The following CROCC2 variants were observed in gnomAD, a reference collection of about 807,000 sequenced individuals.
CROCC2 encodes ciliary rootlet coiled-coil, rootletin family member 2.
A neutral mutation model predicts 177.6 loss-of-function variants in CROCC2; 163 were observed. The ratio of observed to expected loss-of-function variants is 0.92; its 90% CI spans 0.81 to 1.05. The LOEUF (loss-of-function observed/expected upper bound fraction) is 1.05, where lower values mean the gene tolerates loss of function less well. Ranked by LOEUF, CROCC2 falls within the 50% of genes least tolerant of loss-of-function variation. The probability of loss-of-function intolerance (pLI) is 0.00; values close to 1 mark genes in which losing one functional copy is unlikely to be tolerated. For synonymous variants in CROCC2, 904 were observed against 787.3 expected, an observed-to-expected ratio of 1.15 and a Z score of -2.48; for missense variants, 1,929 against 1,797.8, an observed-to-expected ratio of 1.07 and a Z score of -1.32.
Position 240,949,076 on chromosome 2 carries a change from C to A in CROCC2, c.2461C>A (p.Leu821Ile). The A allele has an allele frequency of 1.3e-6, 2 of 1,546,284 alleles. No individual in the cohort carries two copies. Among genetic ancestry groups the A allele is most frequent in the Non-Finnish European group, 8.7e-7 (1 of 1,145,728 alleles). ...GGAGGAGGAAGCCCGGAGCGCAGGACTCGCGCGGCAGGCCTTGCAAGGTGC... is the reference window on the plus strand; with the variant it reads ...GGAGGAGGAAGCCCGGAGCGCAGGAATCGCGCGGCAGGCCTTGCAAGGTGC... ...QLEEEARSAG[L>I]ARQALQVEME... Residue 821 changes from leucine to isoleucine, a missense_variant, in exon 16 of 32, where the codon CTC becomes ATC. Physicochemically the swap from Leu to Ile is conservative, Grantham distance 5 (BLOSUM62 2). This residue lies in a region of CROCC2 where 1,397 missense variants were observed against 1,239.9 expected (regional missense o/e 1.13). Coordinates refer to ENST00000690015, the MANE Select transcript of CROCC2 (RefSeq NM_001351305.2). The surrounding 1 kb of genome is among the most constrained non-coding windows in gnomAD (Gnocchi z 4.5).
chr2:240,927,896 C>T (rs571848733), intron 5 of CROCC2, among the ~76,000 whole-genome samples: 8 of 152,366 alleles, frequency 5.3e-5, no homozygotes, highest in African/African-American at 1.9e-4. Flanking sequence ...GGTGATCCGC[C>T]TGCCTCAGCC....
At chr2:240,935,239 C>A in intron 13 of CROCC2, 119 bp from the exon 14 acceptor site, 1 of 1,195,250 alleles carries the variant, frequency 8.4e-7, no homozygotes, top group Non-Finnish European at 1.1e-6. Flanking sequence ...GAAGAGAGTG[C>A]CCCTGGGCCA....
chr2:240,989,655 C>A lies in CROCC2; in HGVS notation c.4685C>A (p.Ala1562Asp). ...GALRQNQQLQ[A>D]QMTEMEQAHT... ...GAGATGCCCAAGTTCTCACTCCAGG[C>A]CCAGATGACAGAGATGGAGCAGGCC... Residue 1562 changes from alanine to aspartate, a missense_variant and splice_region_variant, in exon 30 of 32, where the codon GCC becomes GAC. Ala to Asp is a moderately radical substitution (Grantham distance 126). Coordinates refer to ENST00000690015, the MANE Select transcript of CROCC2 (RefSeq NM_001351305.2). 6.5e-7 allele frequency: 1 copy of A among 1,543,484 alleles called. No homozygotes were observed. Among genetic ancestry groups the A allele is most frequent in the Non-Finnish European group, 8.8e-7 (1 of 1,141,828 alleles).
chr2:240,984,673 CCACCA>C (rs1269653805), intron 28 of CROCC2, among the ~76,000 whole-genome samples: 1 of 97,634 alleles, frequency 1.0e-5, no homozygotes. Flanking sequence ...GGCACTCACT[CCACCA>C]CACACACACA....
chr2:240,945,401 C>T (rs1355752618), intron 14 of CROCC2, among the ~76,000 whole-genome samples: 1 of 152,200 alleles, frequency 6.6e-6, no homozygotes, highest in African/African-American at 2.4e-5. Context: ...AACTTGATGT[C>T]TTGTGATATT....
intron 28 of CROCC2, chr2:240,983,652 A>C: frequency 7.9e-7 from 1 of 1,272,512 alleles, no homozygotes; most frequent in Non-Finnish European, 1.0e-6. Flanking sequence ...CGGCTGGGAG[A>C]GGCGCTGGCC....
intron 7 of CROCC2, 99 bp downstream of exon 7, chr2:240,931,227 C>T (rs998853042): frequency 7.2e-5 from 44 of 610,080 alleles, no homozygotes; most frequent in Non-Finnish European, 3.5e-5. Context: ...GTGGTCACAC[C>T]GTTCCAGGGC....
Position 240,949,768 on chromosome 2 carries a change from C to T in CROCC2, c.2652+66C>T, listed in dbSNP as rs770967096. ...TACCAGGTCCCGGGGAATGGCAGGCCCTTGGGAGGAGGGGGCCCTGGGAGA... is the reference window on the plus strand; with the variant it reads ...TACCAGGTCCCGGGGAATGGCAGGCTCTTGGGAGGAGGGGGCCCTGGGAGA... On this transcript the variant is annotated intron_variant, in intron 17 of 31. Transcript: ENST00000690015. The surrounding 1 kb of genome is among the most constrained non-coding windows in gnomAD (Gnocchi z 4.5). The T allele has an allele frequency of 3.4e-5, 50 of 1,458,268 alleles. No individual in the cohort carries two copies. The highest frequency in any genetic ancestry group is 4.4e-5 in the Non-Finnish European group (48 of 1,090,006). 90.3% of individuals were successfully genotyped at this position (1,458,268 alleles called of 1,614,324 possible). A position where few individuals can be genotyped will look rare whatever the true frequency, so the allele number is the denominator to read the frequency against.
At position 240,953,625 on chromosome 2, in the gene CROCC2, G is replaced by A. The variant is rs886788650; in HGVS notation, c.2830-2234G>A. Among the ~76,000 whole-genome samples the A allele has an allele frequency of 1.3e-5, 2 of 152,172 alleles. No homozygotes were observed. Among genetic ancestry groups the A allele is most frequent in the Admixed American group, 1.3e-4 (2 of 15,280 alleles). ...TGGCCAGCTGCCCTTTATTCTTGGC[G>A]GCCTGTGTAGAGAAATTGAGTGGAG... On this transcript the variant is annotated intron_variant, in intron 18 of 31. Transcript: ENST00000690015. The surrounding 1 kb of genome is among the most constrained non-coding windows in gnomAD (Gnocchi z 4.0).
At chr2:240,931,186 C>A in intron 7 of CROCC2, 58 bp downstream of exon 7, 1 of 658,444 alleles carries the variant, frequency 1.5e-6, no homozygotes, top group Non-Finnish European at 2.8e-6. Context: ...CGGGGCCCAT[C>A]CAGCGTGCCG....
intron 5 of CROCC2, among the ~76,000 whole-genome samples, chr2:240,927,087 TG>T (rs2059400020): frequency 6.6e-6 from 1 of 152,270 alleles, no homozygotes; most frequent in Admixed American, 6.5e-5. Flanking sequence ...GGTTGACAGC[TG>T]CTTTCTCTCG....
chr2:240,964,411 C>T, intron 21 of CROCC2, 55 bp from the exon 22 acceptor site: 1 of 1,542,654 alleles, frequency 6.5e-7, no homozygotes, highest in South Asian at 1.2e-5. Context: ...TGCTGGGCAG[C>T]TGTGCTGGCC....
chr2:240,959,539 A>C, intron 20 of CROCC2, 95 bp downstream of exon 20: 1 of 1,423,836 alleles, frequency 7.0e-7, no homozygotes, highest in Non-Finnish European at 9.4e-7. Flanking sequence ...TGCCAGGAGG[A>C]AAGAGAGGCT....
In CROCC2 at chr2:240,973,616, G is replaced by A. The variant is rs570700925; in HGVS notation, c.4401+5354G>A. 2.9e-4 allele frequency among the ~76,000 whole-genome samples: 44 copies of A among 152,014 alleles called. 1 individual carries two copies. Among genetic ancestry groups the A allele is most frequent in the Middle Eastern group, 3.4e-3 (1 of 294 alleles). On this transcript the variant is annotated intron_variant, in intron 27 of 31. Coordinates refer to ENST00000690015, the MANE Select transcript of CROCC2 (RefSeq NM_001351305.2). The surrounding 1 kb of genome is among the most constrained non-coding windows in gnomAD (Gnocchi z 4.7). Reference sequence around the variant, plus strand: ...CCCGCCTGTGGGGGCTCAACTCAGCGTCAGTCACAGGTTCTAAAAGTTTCC... The same window carrying A: ...CCCGCCTGTGGGGGCTCAACTCAGCATCAGTCACAGGTTCTAAAAGTTTCC...
At chr2:240,987,967 T>G (rs1270570410) in intron 28 of CROCC2, among the ~76,000 whole-genome samples, 1 of 152,232 alleles carries the variant, frequency 6.6e-6, no homozygotes, top group African/African-American at 2.4e-5. Context: ...GGAAGCAGGC[T>G]GTCTGGGGCT....
At chr2:240,947,320 CT>C (rs2059529653) in intron 15 of CROCC2, among the ~76,000 whole-genome samples, 2 of 152,220 alleles carry the variant, frequency 1.3e-5, no homozygotes, top group South Asian at 4.1e-4. Context: ...GTGGAGGTCC[CT>C]TTCCTGCTGT....
At chr2:240,990,697 C>T (rs1226172690) in intron 30 of CROCC2, among the ~76,000 whole-genome samples, 1 of 152,214 alleles carries the variant, frequency 6.6e-6, no homozygotes, top group Non-Finnish European at 1.5e-5. Context: ...ATTCTCCTGC[C>T]TCAGCCTCCA....
chr2:240,922,679 G>A lies in CROCC2; in HGVS notation c.488+34G>A, dbSNP rs1231682580. On this transcript the variant is annotated intron_variant, in intron 4 of 31. Transcript: ENST00000690015. ...AGGTGCGGGGCAGTCAGGGCTGCAG[G>A]AAGCACAGCCATCCCCCCGAGAGGC... 11 of 546,632 alleles carry A rather than the reference G, an allele frequency of 2.0e-5. No homozygotes were observed. The Middle Eastern group carries it at 1.7e-3, about 83-fold the overall frequency. The allele number at this position is 546,632 out of a possible 1,614,324, so 33.9% of individuals were successfully genotyped here. A position where few individuals can be genotyped will look rare whatever the true frequency, so the allele number is the denominator to read the frequency against.
chr2:240,925,952 G>A, intron 5 of CROCC2, 72 bp downstream of exon 5: 1 of 640,168 alleles, frequency 1.6e-6, no homozygotes, highest in Admixed American at 2.4e-5. Flanking sequence ...AGCAGGCAGG[G>A]ACATGGTGAG....
Sources: gnomAD v4.1 joint callset for allele counts (sites outside exome capture counted in the v4.1 genomes callset) on GRCh38, gnomAD v4.1.1 for gene constraint, gnomAD v4.1.1 regional missense constraint, Gnocchi (gnomAD v3.1) non-coding constraint, MANE v1.5 for transcripts, NCBI Gene and HGNC (gene_info 2026-07-23, HGNC 2026-07-21) for gene names.